Variants in ARHGAP32 observed in about 807,000 individuals in gnomAD.
ARHGAP32 encodes Rho GTPase activating protein 32.
In ARHGAP32, 51 loss-of-function variants were observed where a neutral mutation model predicts 186.5. The observed-to-expected ratio is 0.27, with a 90% CI of 0.22 to 0.35. The LOEUF (loss-of-function observed/expected upper bound fraction) is 0.35, where lower values mean the gene tolerates loss of function less well. ARHGAP32 is among the 10% of genes least tolerant of loss of function. ARHGAP32 has a pLI of 1.00. For missense variants in ARHGAP32, 2,186 were observed against 2,623.5 expected (o/e 0.83, Z 3.64); for synonymous variants, 950 against 964.3 (o/e 0.99, Z 0.27).
At chr11:129,234,835 C>A (rs957783236) in intron 1 of ARHGAP32, among the ~76,000 whole-genome samples, 3 of 151,886 alleles carry the variant, frequency 2.0e-5, no homozygotes, top group African/African-American at 7.3e-5. Flanking sequence ...AACAAACAAA[C>A]AAAAAAACAC....
upstream of ARHGAP32, among the ~76,000 whole-genome samples, chr11:129,194,701 C>T (rs1013040875): frequency 6.6e-6 from 1 of 151,266 alleles, no homozygotes; most frequent in Admixed American, 6.6e-5. Context: ...TGCAGTGAGC[C>T]GAGATCACGC....
intron 11 of ARHGAP32, among the ~76,000 whole-genome samples, chr11:129,001,426 T>C (rs1219727768): frequency 1.3e-5 from 2 of 152,240 alleles, no homozygotes; most frequent in Non-Finnish European, 2.9e-5. Context: ...TTTTAAGAAA[T>C]GGCTATTTGG....
intron 1 of ARHGAP32, among the ~76,000 whole-genome samples, chr11:129,209,277 A>G (rs1591698103): frequency 6.6e-6 from 1 of 152,228 alleles, no homozygotes; most frequent in Non-Finnish European, 1.5e-5. Flanking sequence ...TTTAATTAGA[A>G]CTTAATTTAG....
Position 128,980,567 on chromosome 11 carries a change from C to T in ARHGAP32, c.1962G>A (p.Glu654=), listed in dbSNP as rs1209799504. 3 of 1,606,484 alleles carry T rather than the reference C, an allele frequency of 1.9e-6. No individual in the cohort carries two copies. In the African/African-American group the frequency reaches 4.0e-5, roughly 22 times the overall value. ...ALQGKFHTII[E]FPLERKRPQN... is the part of the protein sequence containing the mutation. Reference sequence around the variant, plus strand: ...ACAAATTTTACCTTTCAAGTGGGAACTCAATTATGGTATGAAATTTCCCCT... The same window carrying T: ...ACAAATTTTACCTTTCAAGTGGGAATTCAATTATGGTATGAAATTTCCCCT... Residue 654 remains glutamate, a synonymous_variant, in exon 18 of 23, where the codon GAG becomes GAA. Coordinates refer to ENST00000682385, the MANE Select transcript of ARHGAP32 (RefSeq NM_001378024.1).
intron 1 of ARHGAP32, among the ~76,000 whole-genome samples, chr11:129,189,807 AACTTGTCTCTGAGACT>A (rs563275942): frequency 2.6e-3 from 403 of 152,310 alleles, no homozygotes; most frequent in African/African-American, 9.2e-3. Flanking sequence ...GACAAACATT[AACTTGTCTCTGAGACT>A]ACTTCCTCCT....
At chr11:128,994,362 G>C (rs191404259) in intron 12 of ARHGAP32, among the ~76,000 whole-genome samples, 38 of 151,452 alleles carry the variant, frequency 2.5e-4, no homozygotes, top group African/African-American at 9.0e-4. Flanking sequence ...ACCATATTGG[G>C]CAGGCTGGTC....
chr11:129,128,467 T>G (rs1942713376), intron 2 of ARHGAP32, among the ~76,000 whole-genome samples: 1 of 152,010 alleles, frequency 6.6e-6, no homozygotes, highest in South Asian at 2.1e-4. Flanking sequence ...CACATAAAGA[T>G]TTTATCTCTG....
intron 2 of ARHGAP32, among the ~76,000 whole-genome samples, chr11:129,132,735 T>C (rs1445210741): frequency 6.6e-6 from 1 of 152,196 alleles, no homozygotes; most frequent in East Asian, 1.9e-4. Context: ...GCTATTTCCA[T>C]AGGAAAATAC....
chr11:128,995,617 T>C (rs1420236589), intron 12 of ARHGAP32, among the ~76,000 whole-genome samples: 1 of 152,200 alleles, frequency 6.6e-6, no homozygotes, highest in African/African-American at 2.4e-5. Context: ...GGTGGGTGGA[T>C]TGCTTGAGTC....
chr11:129,241,299 A>C (rs1477460079), intron 1 of ARHGAP32, among the ~76,000 whole-genome samples: 1 of 152,216 alleles, frequency 6.6e-6, no homozygotes, highest in Non-Finnish European at 1.5e-5. Context: ...AAAGGTAAGA[A>C]AAAATAAAAT....
chr11:129,129,281 G>A (rs1427331986), intron 2 of ARHGAP32, among the ~76,000 whole-genome samples: 321 of 142,822 alleles, frequency 2.2e-3, no homozygotes, highest in African/African-American at 7.9e-3. Flanking sequence ...CAGCTGCCCC[G>A]TCTGGGAAGT....
intron 5 of ARHGAP32, among the ~76,000 whole-genome samples, chr11:129,116,654 T>C (rs376210720): frequency 2.7e-3 from 405 of 152,150 alleles, no homozygotes; most frequent in African/African-American, 9.2e-3. Flanking sequence ...TTTTTCAAAC[T>C]GCAAGTGTCT....
chr11:128,985,780 AACATAT>A lies in ARHGAP32; in HGVS notation c.1526+217_1526+222del, dbSNP rs755400775. ...AAGGACAAATGAATATCTATACATA[AACATAT>A]ACATATACATATAGGTACACATACA... On this transcript the variant is annotated intron_variant, in intron 15 of 22. Coordinates refer to ENST00000682385, the MANE Select transcript of ARHGAP32 (RefSeq NM_001378024.1). 189 of 181,648 alleles carry A rather than the reference AACATAT, an allele frequency of 1.0e-3. 3 individuals are homozygous for A. The highest frequency in any genetic ancestry group is 2.5e-3 in the Middle Eastern group (1 of 400). The allele number at this position is 181,648 out of a possible 1,614,324, so 11.3% of individuals were successfully genotyped here. A position where few individuals can be genotyped will look rare whatever the true frequency, so the allele number is the denominator to read the frequency against.
At chr11:129,273,305 T>C (rs577747469) in intron 1 of ARHGAP32, among the ~76,000 whole-genome samples, 403 of 152,302 alleles carry the variant, frequency 2.6e-3, no homozygotes, top group African/African-American at 9.2e-3. Context: ...CAGTGGATAC[T>C]TGTCAGTTCA....
chr11:129,170,823 C>T lies in ARHGAP32; in HGVS notation c.117-6396G>A, dbSNP rs529224850. ...TGTTTGTATTTCTCCACAGCCTCGC[C>T]AGCATCTATTGTTTCCTGACTTTTT... On this transcript the variant is annotated intron_variant, in intron 1 of 22. Transcript: ENST00000682385. 3.9e-5 allele frequency among the ~76,000 whole-genome samples: 6 copies of T among 152,328 alleles called. No individual in the cohort carries two copies. In the East Asian group the frequency reaches 1.2e-3, roughly 29 times the overall value.
At chr11:129,053,534 T>C (rs1451655112) in intron 10 of ARHGAP32, among the ~76,000 whole-genome samples, 4 of 152,200 alleles carry the variant, frequency 2.6e-5, no homozygotes, top group African/African-American at 9.6e-5. Flanking sequence ...CATTAAATTA[T>C]TACCATGCTC....
At chr11:128,973,646 T>A in intron 21 of ARHGAP32, 1 of 586,532 alleles carries the variant, frequency 1.7e-6, no homozygotes, top group Non-Finnish European at 3.0e-6. Context: ...AAGACTGCAA[T>A]CTCTTCTTGA....
At chr11:129,090,391 A>C (rs1241207726) in intron 6 of ARHGAP32, among the ~76,000 whole-genome samples, 3 of 152,212 alleles carry the variant, frequency 2.0e-5, no homozygotes, top group African/African-American at 4.8e-5. Flanking sequence ...AGATTACTGT[A>C]TATATTTATA....
intron 2 of ARHGAP32, among the ~76,000 whole-genome samples, chr11:129,127,189 G>C (rs774492319): frequency 2.6e-5 from 4 of 152,148 alleles, no homozygotes; most frequent in Non-Finnish European, 5.9e-5. Context: ...CCGAATGAGG[G>C]AGGAACATCA....
Sources: gnomAD v4.1 joint callset for allele counts (sites outside exome capture counted in the v4.1 genomes callset) on GRCh38, gnomAD v4.1.1 for gene constraint, MANE v1.5 for transcripts, NCBI Gene and HGNC (gene_info 2026-07-23, HGNC 2026-07-21) for gene names.